The following RAB35 variants were observed in gnomAD, a reference collection of about 807,000 sequenced individuals.
The protein encoded by RAB35 is RAB35, member RAS oncogene family.
Under a neutral mutation model 28.9 loss-of-function variants are expected in RAB35, and 4 were observed. That is an observed-to-expected ratio of 0.14 (90% confidence interval 0.07 to 0.32). The LOEUF (loss-of-function observed/expected upper bound fraction) is 0.32, where lower values mean the gene tolerates loss of function less well. RAB35 is among the 10% of genes least tolerant of loss of function. The pLI is 1.00. For missense variants in RAB35, 128 were observed against 274.0 expected (o/e 0.47, Z 3.76); for synonymous variants, 99 against 105.1 (o/e 0.94, Z 0.35).
chr12:120,108,467 C>T lies in RAB35; in HGVS notation c.53G>A (p.Gly18Asp), dbSNP rs1326318267. Residue 18 changes from glycine to aspartate, a missense_variant and splice_region_variant, in exon 2 of 6, where the codon GGT becomes GAT. Transcript: ENST00000229340. ...CAACAGTAAACTGCTCTTGCCCACA[C>T]CTGCAAGAGAGAAAGCACTGCGATG... Reference protein sequence around the residue: ...LFKLLIIGDSGVGKSSLLLRF... With the variant: ...LFKLLIIGDSDVGKSSLLLRF... 1.2e-6 allele frequency: 2 copies of T among 1,613,830 alleles called. No individual in the cohort carries two copies. The highest frequency in any genetic ancestry group is 1.7e-6 in the Non-Finnish European group (2 of 1,179,710).
At position 120,096,283 on chromosome 12, in the gene RAB35, CA is replaced by C. The variant is rs1349443844; in HGVS notation, c.*961del. ...AGCCCCACAATGGCAGGAAGCCATT[CA>C]TTTTTTTCTAAAAACAGTGGACACA... On this transcript the variant is annotated 3_prime_UTR_variant, in exon 6 of 6. Transcript: ENST00000229340. The C allele has an allele frequency of 1.1e-5, 6 of 568,988 alleles. No individual in the cohort carries two copies. The highest frequency in any genetic ancestry group is 2.0e-5 in the African/African-American group (1 of 50,732). The allele number at this position is 568,988 out of a possible 1,614,324, so 35.2% of individuals were successfully genotyped here.
Position 120,102,838 on chromosome 12 carries a change from C to A in RAB35, c.227+988G>T, listed in dbSNP as rs565315525. Among the ~76,000 whole-genome samples, 4 of 152,296 alleles carry A rather than the reference C, an allele frequency of 2.6e-5. No homozygotes were observed. The East Asian group carries it at 7.7e-4, about 29-fold the overall frequency. On this transcript the variant is annotated intron_variant, in intron 3 of 5. Transcript: ENST00000229340. ...TGAGGTCACTTCCAGAGGAGCTGCT[C>A]GAGAGAGCCAAGGAGGTGCCCGTGG...
In RAB35 at chr12:120,103,714, G is replaced by C; in HGVS notation, c.227+112C>G. ...ACAGCCAACAACAGGCTCACTTCCC[G>C]ACAGCCTCAGGGACCCACCAGTGAC... On this transcript the variant is annotated intron_variant, in intron 3 of 5. Transcript: ENST00000229340. The surrounding 1 kb of genome is among the most constrained non-coding windows in gnomAD (Gnocchi z 6.1). 2 of 1,477,252 alleles carry C rather than the reference G, an allele frequency of 1.4e-6. No homozygotes were observed. The highest frequency in any genetic ancestry group is 1.8e-6 in the Non-Finnish European group (2 of 1,091,826). The allele number at this position is 1,477,252 out of a possible 1,614,324, so 91.5% of individuals were successfully genotyped here. A position where few individuals can be genotyped will look rare whatever the true frequency, so the allele number is the denominator to read the frequency against.
At chr12:120,101,876 TCCCGCTCTGCCCAG>T (rs1875673459) in intron 3 of RAB35, among the ~76,000 whole-genome samples, 1 of 152,174 alleles carries the variant, frequency 6.6e-6, no homozygotes, top group South Asian at 2.1e-4. Flanking sequence ...TTCACCTTCT[TCCCGCTCTGCCCAG>T]CCCAGAAAGC....
intron 3 of RAB35, among the ~76,000 whole-genome samples, chr12:120,101,877 C>T (rs1875673342): frequency 1.3e-5 from 2 of 152,252 alleles, no homozygotes; most frequent in South Asian, 4.1e-4. Context: ...TCACCTTCTT[C>T]CCGCTCTGCC....
At position 120,107,134 on chromosome 12, in the gene RAB35, A is replaced by G. The variant is rs187786576; in HGVS notation, c.103+1283T>C. ...CTCCCCAGTCGCTAGGATTATAGGT[A>G]TGCACCACCACGCCCAGCTAATTTT... On this transcript the variant is annotated intron_variant, in intron 2 of 5. Coordinates refer to ENST00000229340, the MANE Select transcript of RAB35 (RefSeq NM_006861.7). Among the ~76,000 whole-genome samples, 1,015 of 151,906 alleles carry G rather than the reference A, an allele frequency of 6.7e-3. 10 individuals are homozygous for G. The highest frequency in any genetic ancestry group is 9.9e-3 in the Non-Finnish European group (670 of 67,960).
intron 1 of RAB35, among the ~76,000 whole-genome samples, chr12:120,111,481 A>G (rs922141313): frequency 6.6e-6 from 1 of 152,112 alleles, no homozygotes; most frequent in African/African-American, 2.4e-5. Context: ...AGAGATCGAG[A>G]CCATCCTGGC....
chr12:120,103,718 G>C lies in RAB35; in HGVS notation c.227+108C>G. The C allele has an allele frequency of 6.7e-7, 1 of 1,492,404 alleles. No homozygotes were observed. Among genetic ancestry groups the C allele is most frequent in the Non-Finnish European group, 9.1e-7 (1 of 1,103,168 alleles). 92.4% of individuals were successfully genotyped at this position (1,492,404 alleles called of 1,614,324 possible). On this transcript the variant is annotated intron_variant, in intron 3 of 5. Transcript: ENST00000229340. This position sits in a 1 kb window ranked among gnomAD's most constrained non-coding sequence, Gnocchi z 6.1. ...CCAACAACAGGCTCACTTCCCGACA[G>C]CCTCAGGGACCCACCAGTGACATTT... is the stretch of plus-strand genomic sequence containing the variant.
intron 1 of RAB35, among the ~76,000 whole-genome samples, chr12:120,111,539 G>A (rs1644057835): frequency 6.6e-6 from 1 of 152,094 alleles, no homozygotes; most frequent in Non-Finnish European, 1.5e-5. Flanking sequence ...AAATTAGCCG[G>A]GCGTGGTGGT....
At chr12:120,113,190 C>A (rs928626459) in intron 1 of RAB35, among the ~76,000 whole-genome samples, 6 of 133,560 alleles carry the variant, frequency 4.5e-5, no homozygotes, top group African/African-American at 2.0e-4. Flanking sequence ...CTGTGCCCGG[C>A]CTTTTTTTTT....
At chr12:120,111,230 A>G (rs1397636984) in intron 1 of RAB35, among the ~76,000 whole-genome samples, 3 of 152,240 alleles carry the variant, frequency 2.0e-5, no homozygotes, top group Non-Finnish European at 4.4e-5. Context: ...AGGGGTTTCC[A>G]AACTTCTGCA....
At position 120,103,704 on chromosome 12, in the gene RAB35, C is replaced by G. The variant is rs1875751269; in HGVS notation, c.227+122G>C. ...GCCACCTACTACAGCCAACAACAGG[C>G]TCACTTCCCGACAGCCTCAGGGACC... On this transcript the variant is annotated intron_variant, in intron 3 of 5. Transcript: ENST00000229340. This position sits in a 1 kb window ranked among gnomAD's most constrained non-coding sequence, Gnocchi z 6.1. The G allele has an allele frequency of 4.9e-6, 7 of 1,419,792 alleles. No homozygotes were observed. The East Asian group carries it at 1.6e-4, about 33-fold the overall frequency. The allele number at this position is 1,419,792 out of a possible 1,614,324, so 87.9% of individuals were successfully genotyped here. A position where few individuals can be genotyped will look rare whatever the true frequency, so the allele number is the denominator to read the frequency against.
Position 120,103,489 on chromosome 12 carries a change from C to A in RAB35, c.227+337G>T, listed in dbSNP as rs16949961. On this transcript the variant is annotated intron_variant, in intron 3 of 5. Transcript: ENST00000229340. The surrounding 1 kb of genome is among the most constrained non-coding windows in gnomAD (Gnocchi z 6.1). The stretch of plus-strand genomic sequence containing the variant: ...AGTCCTGGGTGGGCAAGGCACTTCG[C>A]AACCCCCTAGCGAGGCAAATGCTAT... 0.13 allele frequency among the ~76,000 whole-genome samples: 19,276 copies of A among 152,264 alleles called. 1,537 individuals carry two copies. Among genetic ancestry groups the A allele is most frequent in the East Asian group, 0.4 (2,086 of 5,172 alleles).
intron 2 of RAB35, among the ~76,000 whole-genome samples, chr12:120,107,598 G>A (rs1875938087): frequency 1.3e-5 from 2 of 152,114 alleles, no homozygotes; most frequent in South Asian, 4.1e-4. Flanking sequence ...TGGGCGCAGT[G>A]GCTCACGCCT....
At chr12:120,113,974 T>C (rs1244376499) in intron 1 of RAB35, among the ~76,000 whole-genome samples, 2 of 152,228 alleles carry the variant, frequency 1.3e-5, no homozygotes, top group Non-Finnish European at 2.9e-5. Context: ...GGAGGGCCTA[T>C]TGTTTGCCAG....
chr12:120,116,540 G>A (rs1178086168), intron 1 of RAB35, 59 bp downstream of exon 1: 1 of 991,352 alleles, frequency 1.0e-6, no homozygotes, highest in Middle Eastern at 4.9e-4. Flanking sequence ...GCCGCCCCGA[G>A]GCCCCCGCGG....
intron 5 of RAB35, among the ~76,000 whole-genome samples, chr12:120,098,329 C>T (rs923332297): frequency 6.6e-6 from 1 of 152,254 alleles, no homozygotes; most frequent in Admixed American, 6.5e-5. Flanking sequence ...CCAGCCTTGC[C>T]CACAGGCCCA....
At position 120,097,118 on chromosome 12, in the gene RAB35, G is replaced by T; in HGVS notation, c.*127C>A. The T allele has an allele frequency of 6.3e-7, 1 of 1,599,664 alleles. No individual in the cohort carries two copies. The highest frequency in any genetic ancestry group is 8.5e-7 in the Non-Finnish European group (1 of 1,176,604). On this transcript the variant is annotated 3_prime_UTR_variant, in exon 6 of 6. Coordinates refer to ENST00000229340, the MANE Select transcript of RAB35 (RefSeq NM_006861.7). The stretch of plus-strand genomic sequence containing the variant: ...GGAGGAAGTGCCGATGGCACCTCCC[G>T]ATACAAAAACATGGAGAGAATTCTT...
At chr12:120,107,082 G>A (rs1241077535) in intron 2 of RAB35, among the ~76,000 whole-genome samples, 2 of 151,480 alleles carry the variant, frequency 1.3e-5, no homozygotes, top group Admixed American at 6.6e-5. Context: ...TCCCTCTCCC[G>A]GATTCAAGCA....
Sources: allele counts gnomAD v4.1 joint callset (sites outside exome capture counted in the v4.1 genomes callset), GRCh38; gene constraint gnomAD v4.1.1; non-coding constraint Gnocchi (gnomAD v3.1); transcripts MANE v1.5; gene names NCBI Gene and HGNC (gene_info 2026-07-23, HGNC 2026-07-21).